Variants in KIF1C observed in about 807,000 individuals in gnomAD.
KIF1C encodes kinesin-like protein KIF1C.
A neutral mutation model predicts 126.5 loss-of-function variants in KIF1C; 61 were observed. The observed-to-expected ratio is 0.48, with a 90% confidence interval of 0.39 to 0.60. The LOEUF (loss-of-function observed/expected upper bound fraction) is 0.60, where lower values mean the gene tolerates loss of function less well. Among genes scored for constraint, KIF1C ranks in the 20% least tolerant of loss-of-function variants. The pLI is 0.00. For missense variants in KIF1C, 1,315 were observed against 1,489.2 expected, an observed-to-expected ratio of 0.88 and a Z score of 1.93; for synonymous variants, 640 against 580.6, an observed-to-expected ratio of 1.10 and a Z score of -1.47.
Position 5,023,279 on chromosome 17 carries a change from A to T in KIF1C, c.2629-189A>T, listed in dbSNP as rs1205828638. 6.6e-6 allele frequency among the ~76,000 whole-genome samples: 1 copy of T among 151,864 alleles called. No homozygotes were observed. The highest frequency in any genetic ancestry group is 2.4e-5 in the African/African-American group (1 of 41,306). ...TGTGATCCGCCCACCTCAGCTTCCC[A>T]AAGTGCTGCGATTACAGGCGTGAGC... On this transcript the variant is annotated intron_variant, in intron 22 of 22. Coordinates refer to ENST00000320785, the MANE Select transcript of KIF1C (RefSeq NM_006612.6). This position sits in a 1 kb window ranked among gnomAD's most constrained non-coding sequence, Gnocchi z 4.2.
Position 5,024,982 on chromosome 17 carries a change from A to C in KIF1C, c.*831A>C, listed in dbSNP as rs1306696036. On this transcript the variant is annotated 3_prime_UTR_variant, in exon 23 of 23. Transcript: ENST00000320785. ...TGGAGGTACAGTCTTGGCTCACTGCAGCCTCCGCCTCCTGAGTAGCTGGGA... is the reference window on the plus strand; with the variant it reads ...TGGAGGTACAGTCTTGGCTCACTGCCGCCTCCGCCTCCTGAGTAGCTGGGA... The C allele has an allele frequency of 6.6e-6, 1 of 151,520 alleles. No individual in the cohort carries two copies. The highest frequency in any genetic ancestry group is 2.4e-5 in the African/African-American group (1 of 41,160). 9.4% of individuals were successfully genotyped at this position (151,520 alleles called of 1,614,324 possible).
At chr17:5,001,734 A>T (rs909475689) in intron 5 of KIF1C, among the ~76,000 whole-genome samples, 7 of 152,210 alleles carry the variant, frequency 4.6e-5, no homozygotes. Flanking sequence ...CCACCAGCAG[A>T]GTGTTAACTG....
Position 5,022,484 on chromosome 17 carries a change from G to C in KIF1C, c.2403G>C (p.Arg801=). The change falls in exon 22 of 23, where the codon CGG becomes CGC. Residue 801 remains arginine (R), a synonymous_variant. Coordinates refer to ENST00000320785, the MANE Select transcript of KIF1C (RefSeq NM_006612.6). The surrounding 1 kb of genome is among the most constrained non-coding windows in gnomAD (Gnocchi z 4.9). ...GAGACGCCTGGAGGGCTGTGGCCCG[G>C]GATGTCTGGGACACTGTAGGCGAGG... ...GPGDAWRAVA[R]DVWDTVGEEE... 1 of 1,586,820 alleles carries C rather than the reference G, an allele frequency of 6.3e-7. No homozygotes were observed. The highest frequency in any genetic ancestry group is 8.6e-7 in the Non-Finnish European group (1 of 1,165,442).
rs1241722268 is a variant in KIF1C at position 5,002,073 on chromosome 17, C to T, written c.378C>T (p.Leu126=). ...QGIVPQLCED[L]FSRVSENQSA... is the part of the protein sequence containing the mutation. ...TCCCCCTCCAGCTCTGTGAGGACCTCTTCTCTCGCGTTAGTGAGAACCAGA... is the reference window on the plus strand; with the variant it reads ...TCCCCCTCCAGCTCTGTGAGGACCTTTTCTCTCGCGTTAGTGAGAACCAGA... Residue 126 remains leucine, a synonymous_variant, in exon 6 of 23, where the codon CTC becomes CTT. Transcript: ENST00000320785. 3 of 1,614,114 alleles carry T rather than the reference C, an allele frequency of 1.9e-6. No individual in the cohort carries two copies. The highest frequency in any genetic ancestry group is 4.5e-5 in the East Asian group (2 of 44,880).
rs1406913083 is a variant in KIF1C, at chr17:5,007,326, G to T, written c.1399G>T (p.Ala467Ser). The change falls in exon 15 of 23, where the codon GCC (alanine) becomes TCC (serine). Residue 467 changes from alanine (A) to serine (S), a missense_variant. This residue lies in a region of KIF1C where 874 missense variants were observed against 1,053.2 expected (regional missense o/e 0.83). Coordinates refer to ENST00000320785, the MANE Select transcript of KIF1C (RefSeq NM_006612.6). ...TWEEKLRKTE[A>S]LRMEREALLA... ...GGAGGAGAAGCTACGCAAGACAGAAGCCCTGAGGATGGAGAGGTGTGAGGG... is the reference window on the plus strand; with the variant it reads ...GGAGGAGAAGCTACGCAAGACAGAATCCCTGAGGATGGAGAGGTGTGAGGG... The T allele has an allele frequency of 1.2e-6, 2 of 1,613,676 alleles. No homozygotes were observed. Among genetic ancestry groups the T allele is most frequent in the South Asian group, 1.1e-5 (1 of 91,072 alleles).
chr17:5,012,338 C>T (rs954649335), intron 16 of KIF1C, among the ~76,000 whole-genome samples: 4 of 131,998 alleles, frequency 3.0e-5, no homozygotes, highest in African/African-American at 5.9e-5. Flanking sequence ...CTGGGAGGAA[C>T]GTGAAGGAAG....
At chr17:5,016,628 G>C (rs1974978364) in intron 18 of KIF1C, among the ~76,000 whole-genome samples, 1 of 151,918 alleles carries the variant, frequency 6.6e-6, no homozygotes, top group African/African-American at 2.4e-5. Context: ...CTTGGGGCTG[G>C]TGGGGTGGCT....
chr17:5,007,903 G>A (rs1974772403), intron 16 of KIF1C, among the ~76,000 whole-genome samples: 1 of 152,196 alleles, frequency 6.6e-6, no homozygotes, highest in Non-Finnish European at 1.5e-5. Flanking sequence ...AAGACTAAAG[G>A]GAATAGAGGA....
At chr17:5,013,875 G>A (rs912130483) in intron 17 of KIF1C, 143 bp downstream of exon 17, 20 of 608,922 alleles carry the variant, frequency 3.3e-5, no homozygotes, top group South Asian at 1.1e-4. Context: ...AGCCCTGCAC[G>A]CTCTCCCAGC....
At position 5,026,411 on chromosome 17, in the gene KIF1C, C is replaced by T. The variant is rs867451855; in HGVS notation, c.*2260C>T. ...AATTTAAAAGACGGATTATTTTTCC[C>T]TAAAGACCTTGACTTATGTAAATGT... On this transcript the variant is annotated 3_prime_UTR_variant, in exon 23 of 23. Coordinates refer to ENST00000320785, the MANE Select transcript of KIF1C (RefSeq NM_006612.6). 6.6e-6 allele frequency: 1 copy of T among 152,094 alleles called. No individual in the cohort carries two copies. The highest frequency in any genetic ancestry group is 1.9e-4 in the East Asian group (1 of 5,196). 9.4% of individuals were successfully genotyped at this position (152,094 alleles called of 1,614,324 possible).
In KIF1C at chr17:5,024,516, CA is replaced by C. The variant is rs1279303542; in HGVS notation, c.*367del. ...AAGTGGGAGAGGACTGAGAGTGAGG[CA>C]AGTTCTCCCCAGCCCCTGTCCGTCT... On this transcript the variant is annotated 3_prime_UTR_variant, in exon 23 of 23. Coordinates refer to ENST00000320785, the MANE Select transcript of KIF1C (RefSeq NM_006612.6). 1 of 216,862 alleles carries C rather than the reference CA, an allele frequency of 4.6e-6. No individual in the cohort carries two copies. Among genetic ancestry groups the C allele is most frequent in the African/African-American group, 2.3e-5 (1 of 43,604 alleles). 13.4% of individuals were successfully genotyped at this position (216,862 alleles called of 1,614,324 possible). A position where few individuals can be genotyped will look rare whatever the true frequency, so the allele number is the denominator to read the frequency against.
At chr17:5,021,967 G>C (rs1407503998) in intron 21 of KIF1C, 125 bp from the exon 22 acceptor site, 1 of 1,055,874 alleles carries the variant, frequency 9.5e-7, no homozygotes, top group East Asian at 2.4e-5. Context: ...TGTTGGGGTG[G>C]AGCAGGACTT....
chr17:5,007,955 C>T (rs1336300876), intron 16 of KIF1C, among the ~76,000 whole-genome samples: 1 of 152,110 alleles, frequency 6.6e-6, no homozygotes, highest in Non-Finnish European at 1.5e-5. Context: ...GCCAGTGCAG[C>T]GAGGGGTTGG....
Position 5,020,144 on chromosome 17 carries a change from G to A in KIF1C, c.1750+65G>A. On this transcript the variant is annotated intron_variant, in intron 19 of 22. Coordinates refer to ENST00000320785, the MANE Select transcript of KIF1C (RefSeq NM_006612.6). The surrounding 1 kb of genome is among the most constrained non-coding windows in gnomAD (Gnocchi z 5.8). ...CTGTGTGTAGGAAGTCTCAAGGGAG[G>A]TCCTTCTGGGTGCATCCTAGAGGAG... 1 of 1,201,064 alleles carries A rather than the reference G, an allele frequency of 8.3e-7. No individual in the cohort carries two copies. The highest frequency in any genetic ancestry group is 1.3e-5 in the South Asian group (1 of 77,206). The allele number at this position is 1,201,064 out of a possible 1,614,324, so 74.4% of individuals were successfully genotyped here.
intron 16 of KIF1C, among the ~76,000 whole-genome samples, chr17:5,009,072 T>C (rs572725963): frequency 1.3e-5 from 2 of 151,296 alleles, no homozygotes; most frequent in Non-Finnish European, 2.9e-5. Context: ...CTAAAAGGTG[T>C]GTACAGTGAA....
chr17:5,016,902 T>C (rs532839238), intron 18 of KIF1C, among the ~76,000 whole-genome samples: 238 of 138,764 alleles, frequency 1.7e-3, no homozygotes, highest in African/African-American at 6.2e-3. Context: ...TGAGACTGTT[T>C]CAAAAAAAAA....
In KIF1C at chr17:5,028,016, G is replaced by A. The variant is rs1975238152; in HGVS notation, c.*3865G>A. The A allele has an allele frequency of 6.6e-6, 1 of 152,070 alleles. No homozygotes were observed. Among genetic ancestry groups the A allele is most frequent in the African/African-American group, 2.4e-5 (1 of 41,404 alleles). The allele number at this position is 152,070 out of a possible 1,614,324, so 9.4% of individuals were successfully genotyped here. On this transcript the variant is annotated 3_prime_UTR_variant, in exon 23 of 23. Transcript: ENST00000320785. ...CATCACCTCGCTTAGAATCCATGGG[G>A]CCTTCTCCTCAAATTCAATCTTCCC...
In KIF1C at chr17:5,024,212, G is replaced by A. The variant is rs146218874; in HGVS notation, c.*61G>A. ...CTTGCTAGGAGAAGGGAAGACGCCC[G>A]AGACGCTGCTTCCCCAGAAGTGCTG... On this transcript the variant is annotated 3_prime_UTR_variant, in exon 23 of 23. Transcript: ENST00000320785. 3,892 of 1,218,076 alleles carry A rather than the reference G, an allele frequency of 3.2e-3. 12 individuals are homozygous for A. Among genetic ancestry groups the A allele is most frequent in the Middle Eastern group, 0.013 (58 of 4,374 alleles). 75.5% of individuals were successfully genotyped at this position (1,218,076 alleles called of 1,614,324 possible). A position where few individuals can be genotyped will look rare whatever the true frequency, so the allele number is the denominator to read the frequency against.
intron 16 of KIF1C, chr17:5,012,194 C>T (rs1974881619): frequency 1.3e-5 from 2 of 152,266 alleles, no homozygotes; most frequent in African/African-American, 2.4e-5. Context: ...TGACTCATCT[C>T]TGTACCCCGC....
Sources: allele counts gnomAD v4.1 joint callset (sites outside exome capture counted in the v4.1 genomes callset), GRCh38; gene constraint gnomAD v4.1.1; regional missense constraint gnomAD v4.1.1; non-coding constraint Gnocchi (gnomAD v3.1); transcripts MANE v1.5; gene names NCBI Gene and HGNC (gene_info 2026-07-23, HGNC 2026-07-21).